The following CCDC196 variants were observed in gnomAD, a reference collection of about 807,000 sequenced individuals.
The protein encoded by CCDC196 is coiled-coil domain-containing protein 196.
At chr14:66,496,868 G>C (rs1330235283) in intron 8 of CCDC196, 1 of 155,538 alleles carries the variant, frequency 6.4e-6, no homozygotes, top group Non-Finnish European at 1.4e-5. Context: ...AACGTTGGAT[G>C]TGAGTATTAT....
chr14:66,487,362 T>C (rs918083190), intron 2 of CCDC196, among the ~76,000 whole-genome samples: 90 of 152,150 alleles, frequency 5.9e-4, no homozygotes, highest in Non-Finnish European at 9.3e-4. Context: ...TTCTATACCC[T>C]TATCATAAGC....
intron 8 of CCDC196, chr14:66,493,711 A>C (rs1476678433): frequency 2.6e-5 from 4 of 152,224 alleles, no homozygotes; most frequent in African/African-American, 9.6e-5. Context: ...AGTAAGACTG[A>C]ACTGACTATC....
rs765534964 is a variant in CCDC196, at chr14:66,488,261, G to A, written c.300+5G>A. 1.9e-5 allele frequency: 8 copies of A among 412,692 alleles called. No homozygotes were observed. Among genetic ancestry groups the A allele is most frequent in the Non-Finnish European group, 3.1e-5 (7 of 225,766 alleles). 25.6% of individuals were successfully genotyped at this position (412,692 alleles called of 1,614,324 possible). On this transcript the variant is annotated splice_donor_5th_base_variant and intron_variant, in intron 3 of 9. Transcript: ENST00000636229. The stretch of plus-strand genomic sequence containing the variant: ...GAGGAGATGAAACAGAACTTGGTAA[G>A]AAGTAGGAGGGACTCCAGGAACAGC...
chr14:66,493,463 T>C (rs1294105971), intron 8 of CCDC196, among the ~76,000 whole-genome samples: 2 of 152,190 alleles, frequency 1.3e-5, no homozygotes, highest in East Asian at 1.9e-4. Flanking sequence ...TCCAGGTCCA[T>C]ATAATGGGGG....
At chr14:66,493,804 G>A (rs549886711) in intron 8 of CCDC196, 1 of 152,152 alleles carries the variant, frequency 6.6e-6, no homozygotes, top group South Asian at 2.1e-4. Flanking sequence ...AAAGAATCCT[G>A]GAATGCAACA....
chr14:66,488,057 C>T (rs953412825), intron 2 of CCDC196, 103 bp from the exon 3 acceptor site: 4 of 403,634 alleles, frequency 9.9e-6, no homozygotes, highest in Non-Finnish European at 1.3e-5. Flanking sequence ...ATATTTCAGT[C>T]GCCATCTAAC....
At chr14:66,489,669 C>G (rs537588531) in intron 4 of CCDC196, among the ~76,000 whole-genome samples, 9 of 152,286 alleles carry the variant, frequency 5.9e-5, no homozygotes, top group African/African-American at 2.2e-4. Context: ...ATCTTGATTG[C>G]TTTGTCCAAA....
chr14:66,497,173 T>C (rs1015478974), intron 8 of CCDC196, among the ~76,000 whole-genome samples: 1 of 152,198 alleles, frequency 6.6e-6, no homozygotes, highest in Non-Finnish European at 1.5e-5. Flanking sequence ...ACAGGCTTTT[T>C]AAAGCTTTGA....
rs577103859 is a variant in CCDC196, at chr14:66,486,729, A to G, written c.123A>G (p.Leu41=). The stretch of plus-strand genomic sequence containing the variant: ...TAAAGCTAAGGAAGCAGGAACTGCT[A>G]GAGATGCTCAAACCTCTAGAAGATA... ...EDLKLRKQEL[L]EMLKPLEDKN... Residue 41 remains leucine, a synonymous_variant, in exon 2 of 10, where the codon CTA becomes CTG. Coordinates refer to ENST00000636229, the MANE Select transcript of CCDC196 (RefSeq NM_001351576.1). The G allele has an allele frequency of 7.3e-6, 3 of 413,496 alleles. No homozygotes were observed. In the South Asian group the frequency reaches 3.8e-4, roughly 53 times the overall value. The allele number at this position is 413,496 out of a possible 1,614,324, so 25.6% of individuals were successfully genotyped here. A position where few individuals can be genotyped will look rare whatever the true frequency, so the allele number is the denominator to read the frequency against.
intron 4 of CCDC196, among the ~76,000 whole-genome samples, chr14:66,490,481 G>T (rs1319786624): frequency 6.6e-6 from 1 of 152,214 alleles, no homozygotes; most frequent in Non-Finnish European, 1.5e-5. Context: ...AGGAAAATAA[G>T]CAGAGTAATG....
intron 4 of CCDC196, among the ~76,000 whole-genome samples, chr14:66,489,723 A>G (rs2057493753): frequency 6.6e-6 from 1 of 152,224 alleles, no homozygotes; most frequent in African/African-American, 2.4e-5. Flanking sequence ...TAGAGAATCA[A>G]TACATGTAAG....
At chr14:66,487,328 C>G (rs2057429105) in intron 2 of CCDC196, among the ~76,000 whole-genome samples, 1 of 152,168 alleles carries the variant, frequency 6.6e-6, no homozygotes, top group Non-Finnish European at 1.5e-5. Context: ...CTCAGAACCT[C>G]TCTCCTCAGT....
At chr14:66,496,860 C>T (rs1002827055) in intron 8 of CCDC196, 1 of 155,250 alleles carries the variant, frequency 6.4e-6, no homozygotes, top group South Asian at 2.0e-4. Flanking sequence ...AAAACCTGAA[C>T]GTTGGATGTG....
At chr14:66,494,187 G>C (rs2057608627) in intron 8 of CCDC196, among the ~76,000 whole-genome samples, 2 of 152,200 alleles carry the variant, frequency 1.3e-5, no homozygotes, top group South Asian at 2.1e-4. Flanking sequence ...TGTAGCCACA[G>C]GCAATGGATC....
intron 8 of CCDC196, among the ~76,000 whole-genome samples, chr14:66,495,133 C>G (rs1157342138): frequency 3.9e-5 from 6 of 151,924 alleles, no homozygotes; most frequent in Non-Finnish European, 7.4e-5. Flanking sequence ...CAATAATTTT[C>G]TCACTGTGAT....
intron 3 of CCDC196, 150 bp downstream of exon 3, chr14:66,488,406 C>T: frequency 2.5e-6 from 1 of 394,542 alleles, no homozygotes. Context: ...TCCAGGGTGA[C>T]CCAAAAGGAG....
chr14:66,492,140 T>C lies in CCDC196; in HGVS notation c.661T>C (p.Leu221=), dbSNP rs2057555630. The change falls in exon 8 of 10, where the codon TTG becomes CTG. Residue 221 remains leucine, a synonymous_variant. Transcript: ENST00000636229. ...CAATGACCTGAAATTATCACTGTAT[T>C]TGCAGCAGAATTTTGAGCCAATGCA... is the stretch of plus-strand genomic sequence containing the variant. ...KANDLKLSLY[L]QQNFEPMQAF... is the part of the protein sequence containing the mutation. 7.3e-6 allele frequency: 3 copies of C among 413,708 alleles called. No homozygotes were observed. The Admixed American group carries it at 1.3e-4, about 18-fold the overall frequency. 25.6% of individuals were successfully genotyped at this position (413,708 alleles called of 1,614,324 possible).
In CCDC196 at chr14:66,486,672, T is replaced by G. The variant is rs1016552992; in HGVS notation, c.66T>G (p.Asp22Glu). The change falls in exon 2 of 10, where the codon GAT becomes GAG. Residue 22 changes from aspartate (D) to glutamate (E), a missense_variant. Asp to Glu is a conservative substitution (Grantham distance 45, BLOSUM62 2). Coordinates refer to ENST00000636229, the MANE Select transcript of CCDC196 (RefSeq NM_001351576.1). ...LPSEIRSSKI[D>E]DNYLKELNED... ...CTTCCCACAGAAGTTCTAAAATAGA[T>G]GACAACTACTTGAAGGAATTGAATG... 2.4e-6 allele frequency: 1 copy of G among 413,350 alleles called. No individual in the cohort carries two copies. Among genetic ancestry groups the G allele is most frequent in the Non-Finnish European group, 4.4e-6 (1 of 226,100 alleles). The allele number at this position is 413,350 out of a possible 1,614,324, so 25.6% of individuals were successfully genotyped here.
chr14:66,497,353 A>T (rs1054110220), intron 8 of CCDC196, among the ~76,000 whole-genome samples: 1 of 152,122 alleles, frequency 6.6e-6, no homozygotes, highest in Non-Finnish European at 1.5e-5. Flanking sequence ...GACAAAATAA[A>T]CTGTACCCTT....
Sources: gnomAD v4.1 joint callset for allele counts (sites outside exome capture counted in the v4.1 genomes callset) on GRCh38, gnomAD v4.1.1 for gene constraint, MANE v1.5 for transcripts, NCBI Gene and HGNC (gene_info 2026-07-23, HGNC 2026-07-21) for gene names.